TBC1D12: variants seen among roughly 807,000 people sequenced by gnomAD.
The protein encoded by TBC1D12 is TBC1 domain family, member 12.
In TBC1D12, 56 loss-of-function variants were observed where a neutral mutation model predicts 86.7. The ratio of observed to expected loss-of-function variants is 0.65; its 90% CI spans 0.52 to 0.81. The LOEUF is 0.81. Among genes scored for constraint, TBC1D12 ranks in the 30% least tolerant of loss-of-function variants. TBC1D12 has a pLI of 0.00. For missense variants in TBC1D12, 1,023 were observed against 1,038.8 expected (o/e 0.98, Z 0.21); for synonymous variants, 421 against 411.7 (o/e 1.02, Z -0.27).
chr10:94,476,978 C>T (rs1317284038), intron 3 of TBC1D12, among the ~76,000 whole-genome samples: 1 of 152,124 alleles, frequency 6.6e-6, no homozygotes, highest in Admixed American at 6.5e-5. Context: ...TTGTTACACA[C>T]AAACAATTCC....
chr10:94,519,897 A>AT (rs1429504371), intron 9 of TBC1D12, among the ~76,000 whole-genome samples: 2 of 152,128 alleles, frequency 1.3e-5, no homozygotes, highest in Non-Finnish European at 2.9e-5. Flanking sequence ...ACTTAATCAT[A>AT]TCTGTAGAGT....
chr10:94,503,675 A>C (rs1223521897), intron 6 of TBC1D12, among the ~76,000 whole-genome samples: 1 of 152,066 alleles, frequency 6.6e-6, no homozygotes, highest in African/African-American at 2.4e-5. Context: ...CTGAGGCTGG[A>C]GTGCAGTGGT....
intron 2 of TBC1D12, among the ~76,000 whole-genome samples, chr10:94,469,452 T>TTTC (rs2055871672): frequency 6.9e-6 from 1 of 144,672 alleles, no homozygotes; most frequent in Admixed American, 6.9e-5. Context: ...TTTTCCTTTT[T>TTTC]TTTTTTTTTT....
intron 12 of TBC1D12, 116 bp from the exon 13 acceptor site, chr10:94,532,912 G>T: frequency 1.8e-6 from 1 of 556,688 alleles, no homozygotes; most frequent in Non-Finnish European, 3.0e-6. Context: ...ACACACTTTC[G>T]GGGACAGTGT....
intron 9 of TBC1D12, among the ~76,000 whole-genome samples, chr10:94,517,249 A>C (rs1842022609): frequency 6.6e-6 from 1 of 152,022 alleles, no homozygotes; most frequent in Non-Finnish European, 1.5e-5. Context: ...GTGGAGGCGC[A>C]TGCCTGTAAT....
At chr10:94,531,155 G>A in intron 11 of TBC1D12, 47 bp from the exon 12 acceptor site, 1 of 1,580,820 alleles carries the variant, frequency 6.3e-7, no homozygotes, top group Non-Finnish European at 8.6e-7. Flanking sequence ...GAGTAAATGA[G>A]TCAATGAATG....
intron 2 of TBC1D12, among the ~76,000 whole-genome samples, chr10:94,458,138 T>C (rs867489482): frequency 6.6e-6 from 1 of 152,248 alleles, no homozygotes; most frequent in African/African-American, 2.4e-5. Flanking sequence ...AGAGGGGGCC[T>C]TTAAGAGGTG....
At chr10:94,445,411 C>T (rs555201246) in intron 2 of TBC1D12, among the ~76,000 whole-genome samples, 1 of 152,206 alleles carries the variant, frequency 6.6e-6, no homozygotes, top group South Asian at 2.1e-4. Flanking sequence ...AAAAGAACAG[C>T]TCTTTTTCAT....
At position 94,402,721 on chromosome 10, in the gene TBC1D12, G is replaced by C. The variant is rs1401751355; in HGVS notation, c.108G>C (p.Thr36=). 4 of 1,572,764 alleles carry C rather than the reference G, an allele frequency of 2.5e-6. No homozygotes were observed. The highest frequency in any genetic ancestry group is 1.8e-5 in the Admixed American group (1 of 54,528). ...AGGACAGGAAGGTAATCCGGGCCAC[G>C]GGCGGCTTTGGCGGAGGCGTCGGCG... The part of the protein sequence containing the change: ...VGQDRKVIRA[T]GGFGGGVGAV... The change falls in exon 1 of 13, where the codon ACG becomes ACC. Residue 36 remains threonine, a synonymous_variant. Transcript: ENST00000225235.
rs115887978 is a variant in TBC1D12 at position 94,433,207 on chromosome 10, C to T, written c.972-8689C>T. On this transcript the variant is annotated intron_variant, in intron 1 of 12. Coordinates refer to ENST00000225235, the MANE Select transcript of TBC1D12 (RefSeq NM_015188.2). ...AGAGCAAGACTTCGTCTCGGAAACC[C>T]TCCTGGGTTCAAGCGATTCTCCTGC... Among the ~76,000 whole-genome samples the T allele has an allele frequency of 4.5e-3, 680 of 152,194 alleles. 6 individuals are homozygous for T. Among genetic ancestry groups the T allele is most frequent in the African/African-American group, 0.015 (631 of 41,566 alleles).
At chr10:94,505,747 A>C (rs2056451369) in intron 6 of TBC1D12, among the ~76,000 whole-genome samples, 1 of 152,218 alleles carries the variant, frequency 6.6e-6, no homozygotes, top group Non-Finnish European at 1.5e-5. Context: ...TGGCAATATA[A>C]GAATACTCGT....
At chr10:94,498,029 C>G (rs1009762721) in intron 5 of TBC1D12, among the ~76,000 whole-genome samples, 1 of 151,928 alleles carries the variant, frequency 6.6e-6, no homozygotes, top group African/African-American at 2.4e-5. Flanking sequence ...TCACCATTCA[C>G]AGGATGGTCT....
intron 9 of TBC1D12, among the ~76,000 whole-genome samples, chr10:94,512,977 G>A (rs971699646): frequency 9.9e-5 from 15 of 151,962 alleles, no homozygotes; most frequent in African/African-American, 3.6e-4. Context: ...TGCCGGGCGT[G>A]GTGGCTCACG....
intron 1 of TBC1D12, among the ~76,000 whole-genome samples, chr10:94,421,729 G>A (rs1252527447): frequency 1.3e-5 from 2 of 152,148 alleles, no homozygotes; most frequent in Non-Finnish European, 2.9e-5. Context: ...ATCCTAATGG[G>A]TTTGTAATAG....
rs1005408367 is a variant in TBC1D12 at position 94,402,598 on chromosome 10, C to T, written c.-16C>T. On this transcript the variant is annotated 5_prime_UTR_variant, in exon 1 of 13. Coordinates refer to ENST00000225235, the MANE Select transcript of TBC1D12 (RefSeq NM_015188.2). ...GTCCTTCTTTGCCTCCTGGGGCGGC[C>T]GCCACCCACCCCCAGATGGTGGGTC... 5 of 1,609,874 alleles carry T rather than the reference C, an allele frequency of 3.1e-6. No homozygotes were observed. The African/African-American group carries it at 5.4e-5, about 17-fold the overall frequency.
Position 94,406,402 on chromosome 10 carries a change from C to A in TBC1D12, c.971+2818C>A, listed in dbSNP as rs116613881. On this transcript the variant is annotated intron_variant, in intron 1 of 12. Coordinates refer to ENST00000225235, the MANE Select transcript of TBC1D12 (RefSeq NM_015188.2). ...AATGTCAAGACTCTAGGAGTCAGTG[C>A]TTCCTTTATATGACATTCTTGGGAA... is the stretch of plus-strand genomic sequence containing the variant. Among the ~76,000 whole-genome samples, 674 of 152,262 alleles carry A rather than the reference C, an allele frequency of 4.4e-3. 6 individuals carry two copies. The highest frequency in any genetic ancestry group is 0.015 in the African/African-American group (626 of 41,542).
rs185996883 is a variant in TBC1D12 at position 94,425,056 on chromosome 10, T to C, written c.972-16840T>C. Among the ~76,000 whole-genome samples the C allele has an allele frequency of 4.6e-5, 7 of 152,326 alleles. No homozygotes were observed. In the East Asian group the frequency reaches 7.7e-4, roughly 17 times the overall value. ...TTCTAGTATGAGAAAGTTAAACTTA[T>C]ATTTAAAAACTGATGCCAAGGCAAC... On this transcript the variant is annotated intron_variant, in intron 1 of 12. Transcript: ENST00000225235.
At chr10:94,459,520 T>C (rs1261964567) in intron 2 of TBC1D12, among the ~76,000 whole-genome samples, 1 of 152,134 alleles carries the variant, frequency 6.6e-6, no homozygotes, top group South Asian at 2.1e-4. Flanking sequence ...GGATGGTAGA[T>C]GGGACCTTGC....
intron 2 of TBC1D12, among the ~76,000 whole-genome samples, chr10:94,471,247 G>A (rs1227329985): frequency 6.8e-6 from 1 of 147,988 alleles, no homozygotes; most frequent in African/African-American, 2.5e-5. Context: ...CTGCACTCCA[G>A]CCTGGGCAAT....
Sources: gnomAD v4.1 joint callset for allele counts (sites outside exome capture counted in the v4.1 genomes callset) on GRCh38, gnomAD v4.1.1 for gene constraint, MANE v1.5 for transcripts, NCBI Gene and HGNC (gene_info 2026-07-23, HGNC 2026-07-21) for gene names.